Variants in TLE4 observed in about 807,000 individuals in gnomAD.
The protein encoded by TLE4 is TLE family member 4, transcriptional corepressor.
Under a neutral mutation model 92.8 loss-of-function variants are expected in TLE4, and 8 were observed. The observed-to-expected ratio is 0.09, with a 90% confidence interval of 0.05 to 0.16. The LOEUF is 0.16. TLE4 is among the 10% of genes least tolerant of loss of function. The probability of loss-of-function intolerance (pLI) is 1.00; values close to 1 mark genes in which losing one functional copy is unlikely to be tolerated. For synonymous variants in TLE4, 371 were observed against 374.1 expected, an observed-to-expected ratio of 0.99 and a Z score of 0.10; for missense variants, 675 against 997.6, an observed-to-expected ratio of 0.68 and a Z score of 4.36.
chr9:79,619,407 G>A (rs1301722517), intron 5 of TLE4, among the ~76,000 whole-genome samples: 1 of 152,198 alleles, frequency 6.6e-6, no homozygotes, highest in African/African-American at 2.4e-5. Flanking sequence ...GTTGAAAAAT[G>A]TGATCAGTCA....
intron 4 of TLE4, among the ~76,000 whole-genome samples, chr9:79,609,268 C>T (rs1458280080): frequency 6.6e-6 from 1 of 152,098 alleles, no homozygotes; most frequent in Non-Finnish European, 1.5e-5. Flanking sequence ...TCCATCAGTA[C>T]TGTAGAGTTA....
In TLE4 at chr9:79,652,635, C is replaced by A. The variant is rs745676241; in HGVS notation, c.433C>A (p.Pro145Thr). The A allele has an allele frequency of 1.4e-5, 23 of 1,614,188 alleles. No individual in the cohort carries two copies. Among genetic ancestry groups the A allele is most frequent in the Non-Finnish European group, 1.9e-5 (23 of 1,180,028 alleles). The change falls in exon 7 of 20, where the codon CCC becomes ACC. Residue 145 changes from proline (P) to threonine (T), a missense_variant. Physicochemically the swap from Pro to Thr is conservative, Grantham distance 38 (BLOSUM62 -1). This residue lies in a region of TLE4 where 280 missense variants were observed against 287.3 expected (regional missense o/e 0.97). Coordinates refer to ENST00000376552, the MANE Select transcript of TLE4 (RefSeq NM_007005.6). ...GCATTTATCACATGGACATGGTCTCCCCGTACCTCTGACTCCACACCCTTC... is the reference window on the plus strand; with the variant it reads ...GCATTTATCACATGGACATGGTCTCACCGTACCTCTGACTCCACACCCTTC... Reference protein sequence around the residue: ...AQHLSHGHGLPVPLTPHPSGL... With the variant: ...AQHLSHGHGLTVPLTPHPSGL...
rs780055030 is a variant in TLE4, at chr9:79,704,839, C to T, written c.666C>T (p.Ser222=). 2.2e-5 allele frequency: 35 copies of T among 1,613,968 alleles called. No individual in the cohort carries two copies. Among genetic ancestry groups the T allele is most frequent in the Middle Eastern group, 3.3e-4 (2 of 6,084 alleles). The change falls in exon 9 of 20, where the codon TCC becomes TCT. Residue 222 remains serine (S), a synonymous_variant. Transcript: ENST00000376552. ...SFRGAEKHRN[S]ADYSSESKKQ... is the part of the protein sequence containing the mutation. ...GAGGTGCTGAGAAGCACAGAAACTC[C>T]GCAGACTACTCCTCAGAGAGCAAAA...
At chr9:79,647,989 G>A (rs913799338) in intron 6 of TLE4, among the ~76,000 whole-genome samples, 33 of 151,966 alleles carry the variant, frequency 2.2e-4, no homozygotes, top group African/African-American at 7.7e-4. Context: ...CTGTGGGTGT[G>A]TGTTGATTAG....
intron 4 of TLE4, among the ~76,000 whole-genome samples, chr9:79,593,779 T>A (rs114999848): frequency 0.011 from 1,712 of 152,254 alleles, 38 homozygotes; most frequent in African/African-American, 0.039. Context: ...TTTTCTAGTC[T>A]AGGTTCAAAG....
At chr9:79,616,781 A>G (rs992934484) in intron 5 of TLE4, among the ~76,000 whole-genome samples, 1 of 152,132 alleles carries the variant, frequency 6.6e-6, no homozygotes, top group Non-Finnish European at 1.5e-5. Context: ...ATATCTATGT[A>G]GAGAGTCTAA....
At chr9:79,621,261 T>C (rs939347423) in intron 5 of TLE4, among the ~76,000 whole-genome samples, 1 of 152,190 alleles carries the variant, frequency 6.6e-6, no homozygotes, top group Non-Finnish European at 1.5e-5. Flanking sequence ...TTTGATCTGC[T>C]TGGCCATACC....
chr9:79,574,068 C>T (rs528508362), intron 2 of TLE4: 23 of 234,792 alleles, frequency 9.8e-5, no homozygotes, highest in Middle Eastern at 2.6e-3. Flanking sequence ...TTATTGGGGC[C>T]GGGAGAATGA....
chr9:79,668,139 G>A (rs2061699258), intron 8 of TLE4, among the ~76,000 whole-genome samples: 1 of 152,234 alleles, frequency 6.6e-6, no homozygotes, highest in South Asian at 2.1e-4. Context: ...TCTAGTTACT[G>A]GGTGGGTTTC....
chr9:79,593,848 T>A (rs2043277583), intron 4 of TLE4, among the ~76,000 whole-genome samples: 1 of 152,234 alleles, frequency 6.6e-6, no homozygotes, highest in African/African-American at 2.4e-5. Context: ...CTCAGATCTT[T>A]AAAATTATTA....
At chr9:79,670,718 A>G (rs1244868282) in intron 8 of TLE4, among the ~76,000 whole-genome samples, 5 of 152,150 alleles carry the variant, frequency 3.3e-5, no homozygotes, top group Non-Finnish European at 5.9e-5. Flanking sequence ...CAGTGTAGCA[A>G]TACCAGCTAG....
chr9:79,615,093 T>A (rs1220725871), intron 5 of TLE4, among the ~76,000 whole-genome samples: 1 of 152,222 alleles, frequency 6.6e-6, no homozygotes, highest in African/African-American at 2.4e-5. Flanking sequence ...CTGATGTTTT[T>A]TATCTGAACA....
chr9:79,671,356 C>A, intron 8 of TLE4: 1 of 442,302 alleles, frequency 2.3e-6, no homozygotes, highest in Non-Finnish European at 4.6e-6. Flanking sequence ...AAGCTAATAA[C>A]TACCCTGACG....
Position 79,647,069 on chromosome 9 carries a change from A to G in TLE4, c.391-5524A>G, listed in dbSNP as rs185495559. On this transcript the variant is annotated intron_variant, in intron 6 of 19. Transcript: ENST00000376552. ...AAATGAAAAAGCTTCTCTAAATGCA[A>G]CGTTGTATGCTGGTTTGGATTCTGG... Among the ~76,000 whole-genome samples, 691 of 152,320 alleles carry G rather than the reference A, an allele frequency of 4.5e-3. 1 individual carries two copies. Among genetic ancestry groups the G allele is most frequent in the Admixed American group, 0.011 (169 of 15,304 alleles).
chr9:79,633,516 G>A (rs1239232329), intron 6 of TLE4, among the ~76,000 whole-genome samples: 1 of 152,106 alleles, frequency 6.6e-6, no homozygotes, highest in Non-Finnish European at 1.5e-5. Context: ...TCTGAGGAAG[G>A]GATATGGGCA....
chr9:79,690,788 T>C (rs894927853), intron 8 of TLE4, among the ~76,000 whole-genome samples: 1 of 108,990 alleles, frequency 9.2e-6, no homozygotes, highest in African/African-American at 3.8e-5. Context: ...GCTTTTTTTT[T>C]TTTTTTTTTT....
chr9:79,641,857 A>G lies in TLE4; in HGVS notation c.391-10736A>G, dbSNP rs1587706293. On this transcript the variant is annotated intron_variant, in intron 6 of 19. Coordinates refer to ENST00000376552, the MANE Select transcript of TLE4 (RefSeq NM_007005.6). The stretch of plus-strand genomic sequence containing the variant: ...GACTCTCTCACCTAGGAGATCACAC[A>G]TGTGAGTGTTGGCCTGGTTTAGCGT... 2.0e-5 allele frequency among the ~76,000 whole-genome samples: 3 copies of G among 151,980 alleles called. No homozygotes were observed. In the East Asian group the frequency reaches 5.8e-4, roughly 29 times the overall value.
At position 79,722,555 on chromosome 9, in the gene TLE4, A is replaced by G. The variant is rs1490938863; in HGVS notation, c.2091A>G (p.Leu697=). ...LHVTKPDKYQ[L]HLHESCVLSL... ...TCACCAAGCCAGACAAATACCAACTACATCTTCATGAGAGCTGTGTGCTGT... is the reference window on the plus strand; with the variant it reads ...TCACCAAGCCAGACAAATACCAACTGCATCTTCATGAGAGCTGTGTGCTGT... The change falls in exon 18 of 20, where the codon CTA becomes CTG. Residue 697 remains leucine (L), a synonymous_variant. Coordinates refer to ENST00000376552, the MANE Select transcript of TLE4 (RefSeq NM_007005.6). 2.5e-6 allele frequency: 4 copies of G among 1,614,206 alleles called. No individual in the cohort carries two copies. The highest frequency in any genetic ancestry group is 1.7e-5 in the Admixed American group (1 of 60,032).
At chr9:79,635,467 G>A (rs1045103012) in intron 6 of TLE4, among the ~76,000 whole-genome samples, 11 of 151,010 alleles carry the variant, frequency 7.3e-5, no homozygotes, top group South Asian at 2.1e-4. Context: ...TTGCCTAACC[G>A]AAGACCGCAA....
Sources: gnomAD v4.1 joint callset for allele counts (sites outside exome capture counted in the v4.1 genomes callset) on GRCh38, gnomAD v4.1.1 for gene constraint, gnomAD v4.1.1 regional missense constraint, MANE v1.5 for transcripts, NCBI Gene and HGNC (gene_info 2026-07-23, HGNC 2026-07-21) for gene names.